CELF2: variants seen among roughly 807,000 people sequenced by gnomAD.
CELF2 encodes the protein CUGBP Elav-like family member 2, also known as CUG triplet repeat RNA-binding protein 2.
In CELF2, 8 loss-of-function variants were observed where a neutral mutation model predicts 62.6. That is an observed-to-expected ratio of 0.13 (90% confidence interval 0.07 to 0.23). The LOEUF (loss-of-function observed/expected upper bound fraction) is 0.23, where lower values mean the gene tolerates loss of function less well. Ranked by LOEUF, CELF2 falls within the 10% of genes least tolerant of loss-of-function variation. The pLI, the probability that CELF2 is intolerant of heterozygous loss-of-function variation, is 1.00. For missense variants in CELF2, 333 were observed against 671.0 expected, an observed-to-expected ratio of 0.50 and a Z score of 5.56; for synonymous variants, 258 against 250.0, an observed-to-expected ratio of 1.03 and a Z score of -0.30.
chr10:10,635,551 A>T, the CELF2 span, among the ~76,000 whole-genome samples: 1 of 152,202 alleles, frequency 6.6e-6, no homozygotes, highest in Non-Finnish European at 1.5e-5. Flanking sequence ...ATCTTTAATT[A>T]AGCCCCAAAT....
chr10:11,290,285 CT>C lies in CELF2; in HGVS notation c.976+1734del, dbSNP rs1416406134. 2.0e-5 allele frequency among the ~76,000 whole-genome samples: 3 copies of C among 152,168 alleles called. No individual in the cohort carries two copies. Among genetic ancestry groups the C allele is most frequent in the African/African-American group, 7.2e-5 (3 of 41,430 alleles). ...GAAAGGGGACTGGAGGAGGTGACCC[CT>C]CTCTCAAAAGGTGACCTTTGAGCAG... On this transcript the variant is annotated intron_variant, in intron 9 of 12. Transcript: ENST00000633077. This position sits in a 1 kb window ranked among gnomAD's most constrained non-coding sequence, Gnocchi z 4.3.
intron 1 of CELF2, among the ~76,000 whole-genome samples, chr10:10,830,612 A>G (rs919763973): frequency 1.1e-4 from 17 of 152,192 alleles, no homozygotes; most frequent in Non-Finnish European, 2.2e-4. Context: ...CCTGTGAGAA[A>G]GACTAAGGAA....
At chr10:10,882,779 T>C (rs973697088) in intron 1 of CELF2, among the ~76,000 whole-genome samples, 4 of 152,218 alleles carry the variant, frequency 2.6e-5, no homozygotes, top group Admixed American at 1.3e-4. Context: ...TATTTTATTC[T>C]ATTATTCCAA....
At chr10:10,741,308 C>A in the CELF2 span, among the ~76,000 whole-genome samples, 1 of 151,796 alleles carries the variant, frequency 6.6e-6, no homozygotes, top group Non-Finnish European at 1.5e-5. Context: ...GTCAACAGAT[C>A]GAGACCATCC....
chr10:10,566,767 G>A, the CELF2 span, among the ~76,000 whole-genome samples: 3 of 152,062 alleles, frequency 2.0e-5, no homozygotes, highest in African/African-American at 7.2e-5. Flanking sequence ...TCTATGCTGA[G>A]TCCAAAAGAC....
chr10:10,987,360 T>C (rs1283618687), intron 2 of CELF2, among the ~76,000 whole-genome samples: 1 of 152,120 alleles, frequency 6.6e-6, no homozygotes, highest in Admixed American at 6.6e-5. Context: ...TTTTTGTAAA[T>C]ATTATCGTAA....
At chr10:10,618,124 C>T in the CELF2 span, among the ~76,000 whole-genome samples, 459 of 152,214 alleles carry the variant, frequency 3.0e-3, 4 homozygotes, top group African/African-American at 0.011. Flanking sequence ...ACACAGACAG[C>T]TCTTGGTTTC....
chr10:10,615,248 C>G, the CELF2 span, among the ~76,000 whole-genome samples: 15 of 152,048 alleles, frequency 9.9e-5, no homozygotes, highest in African/African-American at 3.6e-4. Context: ...CCGTATTTGC[C>G]AATTCACCTA....
At chr10:10,537,260 G>A in the CELF2 span, among the ~76,000 whole-genome samples, 1 of 152,188 alleles carries the variant, frequency 6.6e-6, no homozygotes, top group African/African-American at 2.4e-5. Context: ...GAAATGCCAA[G>A]AGATGGATAA....
the CELF2 span, among the ~76,000 whole-genome samples, chr10:10,792,055 A>AAGGAAGGAGGG: frequency 1.5e-5 from 2 of 134,286 alleles, no homozygotes; most frequent in Non-Finnish European, 3.1e-5. Context: ...GGGAGGAAGG[A>AAGGAAGGAGGG]AGGAAGGAGG....
At chr10:10,905,759 T>TC (rs1431795266) in intron 1 of CELF2, among the ~76,000 whole-genome samples, 1 of 151,788 alleles carries the variant, frequency 6.6e-6, no homozygotes, top group African/African-American at 2.4e-5. Flanking sequence ...GCAACTGTAG[T>TC]CCCAGCTACT....
chr10:10,736,712 T>C, the CELF2 span, among the ~76,000 whole-genome samples: 1 of 152,062 alleles, frequency 6.6e-6, no homozygotes, highest in Non-Finnish European at 1.5e-5. Context: ...GTTTTTAGCT[T>C]TCCTAGTGGC....
intron 9 of CELF2, among the ~76,000 whole-genome samples, chr10:11,307,137 T>C (rs73583239): frequency 0.015 from 2,228 of 152,302 alleles, 49 homozygotes; most frequent in African/African-American, 0.051. Context: ...TGAGAAGTCT[T>C]CCCTAAGCAC....
chr10:11,277,352 A>G (rs2086527774), intron 8 of CELF2, among the ~76,000 whole-genome samples: 1 of 152,188 alleles, frequency 6.6e-6, no homozygotes, highest in Non-Finnish European at 1.5e-5. Flanking sequence ...AAACTTTCCC[A>G]GCTTCCCCGA....
chr10:11,062,130 G>A (rs2066904492), intron 1 of CELF2, among the ~76,000 whole-genome samples: 1 of 152,072 alleles, frequency 6.6e-6, no homozygotes, highest in Non-Finnish European at 1.5e-5. Flanking sequence ...TATGCCTACG[G>A]TTGAGACCTA....
rs559052328 is a variant in CELF2, at chr10:11,270,464, C to T, written c.619-202C>T. Among the ~76,000 whole-genome samples, 6 of 152,206 alleles carry T rather than the reference C, an allele frequency of 3.9e-5. No homozygotes were observed. Among genetic ancestry groups the T allele is most frequent in the Non-Finnish European group, 8.8e-5 (6 of 68,036 alleles). On this transcript the variant is annotated intron_variant, in intron 6 of 12. Transcript: ENST00000633077. The surrounding 1 kb of genome is among the most constrained non-coding windows in gnomAD (Gnocchi z 5.8). Reference sequence around the variant, plus strand: ...GTGACTTCACCGACCACCAGATCCCCCAAAGAAACCACTGGCAGTGTCTGG... The same window carrying T: ...GTGACTTCACCGACCACCAGATCCCTCAAAGAAACCACTGGCAGTGTCTGG...
upstream of CELF2, chr10:10,798,538 CG>C: frequency 2.6e-6 from 1 of 386,766 alleles, no homozygotes; most frequent in East Asian, 3.7e-5. Context: ...AGCAGATTAC[CG>C]GGGCTTTAAA....
intron 7 of CELF2, among the ~76,000 whole-genome samples, chr10:11,272,188 A>G (rs557496449): frequency 1.8e-4 from 27 of 152,374 alleles, no homozygotes; most frequent in Non-Finnish European, 3.4e-4. Flanking sequence ...GCATTGGCTC[A>G]GGTTCCCATC....
chr10:10,574,181 G>A, the CELF2 span, among the ~76,000 whole-genome samples: 2 of 152,194 alleles, frequency 1.3e-5, no homozygotes, highest in Non-Finnish European at 2.9e-5. Context: ...ATAAAGATTA[G>A]ATGGTAAAGA....
Sources: allele counts gnomAD v4.1 joint callset (sites outside exome capture counted in the v4.1 genomes callset), GRCh38; gene constraint gnomAD v4.1.1; non-coding constraint Gnocchi (gnomAD v3.1); transcripts MANE v1.5; gene names NCBI Gene and HGNC (gene_info 2026-07-23, HGNC 2026-07-21).